Variants in CCDC141 observed in about 807,000 individuals in gnomAD.
The protein encoded by CCDC141 is coiled-coil domain containing 141, also known as coiled-coil domain-containing protein 141.
A neutral mutation model predicts 181.0 loss-of-function variants in CCDC141; 168 were observed. That is an observed-to-expected ratio of 0.93 (90% CI 0.82 to 1.05). The LOEUF (loss-of-function observed/expected upper bound fraction) is 1.05, where lower values mean the gene tolerates loss of function less well. Ranked by LOEUF, CCDC141 falls within the 50% of genes least tolerant of loss-of-function variation. The probability of loss-of-function intolerance (pLI) is 0.00; values close to 1 mark genes in which losing one functional copy is unlikely to be tolerated. For missense variants in CCDC141, 1,902 were observed against 1,788.5 expected, an observed-to-expected ratio of 1.06 and a Z score of -1.14; for synonymous variants, 666 against 642.3, an observed-to-expected ratio of 1.04 and a Z score of -0.56.
intron 6 of CCDC141, among the ~76,000 whole-genome samples, chr2:178,921,301 G>A (rs1688677663): frequency 1.3e-5 from 2 of 152,202 alleles, no homozygotes; most frequent in East Asian, 3.8e-4. Context: ...CTGGGAATGA[G>A]CAAATATTTT....
intron 2 of CCDC141, among the ~76,000 whole-genome samples, chr2:178,990,526 AAG>A (rs1199321130): frequency 3.5e-5 from 5 of 143,040 alleles, no homozygotes; most frequent in East Asian, 4.4e-4. Context: ...GAGAGAAAGA[AAG>A]AGAGAGAGGA....
intron 4 of CCDC141, among the ~76,000 whole-genome samples, chr2:178,971,064 C>G (rs576302239): frequency 6.6e-6 from 1 of 151,992 alleles, no homozygotes; most frequent in East Asian, 1.9e-4. Context: ...AAAAATTAGC[C>G]GGGCCTGGTG....
intron 6 of CCDC141, among the ~76,000 whole-genome samples, chr2:178,940,749 C>T (rs1470703883): frequency 6.6e-6 from 1 of 152,154 alleles, no homozygotes; most frequent in Non-Finnish European, 1.5e-5. Flanking sequence ...TCATATCAGG[C>T]ACTGTCCAAT....
At chr2:178,996,404 T>C (rs1692290005) in intron 2 of CCDC141, among the ~76,000 whole-genome samples, 1 of 152,096 alleles carries the variant, frequency 6.6e-6, no homozygotes, top group South Asian at 2.1e-4. Context: ...ATGGCAGTGA[T>C]AGAGGGAAGA....
intron 2 of CCDC141, among the ~76,000 whole-genome samples, chr2:179,023,745 A>G (rs1208840069): frequency 6.6e-6 from 1 of 152,240 alleles, no homozygotes; most frequent in Non-Finnish European, 1.5e-5. Context: ...GCAAACTAAC[A>G]TTAAAAGCAA....
At chr2:179,018,007 G>A (rs1434215084) in intron 2 of CCDC141, among the ~76,000 whole-genome samples, 1 of 152,122 alleles carries the variant, frequency 6.6e-6, no homozygotes, top group East Asian at 1.9e-4. Flanking sequence ...ACATCATAAA[G>A]CTGGTTATTT....
At position 179,049,881 on chromosome 2, in the gene CCDC141, C is replaced by A; in HGVS notation, c.61G>T (p.Val21Leu). The part of the protein sequence containing the change: ...LSTTTVSSVA[V>L]QAGDSKIVIA... ...ACGATTTTGGAGTCCCCAGCCTGCA[C>A]AGCAACTGAACTGACTGTCGTCGTA... The change falls in exon 1 of 24, where the codon GTG (valine) becomes TTG (leucine). Residue 21 changes from valine (V) to leucine (L), a missense_variant. Coordinates refer to ENST00000443758, the MANE Select transcript of CCDC141 (RefSeq NM_173648.4). 1.3e-6 allele frequency: 2 copies of A among 1,550,820 alleles called. No homozygotes were observed. Among genetic ancestry groups the A allele is most frequent in the African/African-American group, 1.4e-5 (1 of 73,162 alleles).
At chr2:178,842,987 T>C (rs1208045696) in intron 22 of CCDC141, among the ~76,000 whole-genome samples, 1 of 152,008 alleles carries the variant, frequency 6.6e-6, no homozygotes, top group East Asian at 1.9e-4. Context: ...GTGTTGAGGG[T>C]AGAGGGGGAG....
At chr2:179,015,873 CATATGTATCATATATATCTCAT>C (rs1314096820) in intron 2 of CCDC141, among the ~76,000 whole-genome samples, 4,035 of 118,782 alleles carry the variant, frequency 0.034, 224 homozygotes, top group African/African-American at 0.1. Flanking sequence ...ATATATATCT[CATATGTATCATATATATCTCAT>C]ATATGTATCA....
chr2:179,026,844 T>A (rs970044790), intron 2 of CCDC141, among the ~76,000 whole-genome samples: 4 of 152,104 alleles, frequency 2.6e-5, no homozygotes, highest in African/African-American at 4.8e-5. Flanking sequence ...AGACATAGAG[T>A]CAAAGGAGAT....
At chr2:178,969,664 T>C (rs776056201) in intron 4 of CCDC141, among the ~76,000 whole-genome samples, 8 of 152,076 alleles carry the variant, frequency 5.3e-5, no homozygotes, top group Non-Finnish European at 1.2e-4. Context: ...CCACAGCCAA[T>C]ATCATACTGA....
intron 2 of CCDC141, among the ~76,000 whole-genome samples, chr2:179,013,184 T>C (rs1332540510): frequency 6.6e-6 from 1 of 152,170 alleles, no homozygotes; most frequent in Non-Finnish European, 1.5e-5. Flanking sequence ...CTGCCCCTGT[T>C]TGCTGACGAT....
At chr2:178,824,939 T>A (rs192877005), downstream of CCDC141, among the ~76,000 whole-genome samples, 312 of 152,304 alleles carry the variant, frequency 2.0e-3, 1 homozygote, top group Non-Finnish European at 3.6e-3. Context: ...ATACTTGGCT[T>A]TTGTGGTACA....
intron 2 of CCDC141, among the ~76,000 whole-genome samples, chr2:178,986,994 G>T (rs185793216): frequency 2.0e-5 from 3 of 151,982 alleles, no homozygotes; most frequent in African/African-American, 7.2e-5. Flanking sequence ...AACCAAAAAA[G>T]AGCCCGCATC....
rs1317129402 is a variant in CCDC141 at position 178,945,861 on chromosome 2, A to ACG, written c.781-1211_781-1210insCG. Among the ~76,000 whole-genome samples, 4 of 151,652 alleles carry ACG rather than the reference A, an allele frequency of 2.6e-5. No homozygotes were observed. In the East Asian group the frequency reaches 7.8e-4, roughly 29 times the overall value. On this transcript the variant is annotated intron_variant, in intron 5 of 23. Coordinates refer to ENST00000443758, the MANE Select transcript of CCDC141 (RefSeq NM_173648.4). ...GCACATGACACATGCGTGCACACACACACACACACACACACATCAGAGTTA... is the reference window on the plus strand; with the variant it reads ...GCACATGACACATGCGTGCACACACACGCACACACACACACACATCAGAGTTA...
chr2:179,019,397 G>A (rs2042632645), intron 2 of CCDC141, among the ~76,000 whole-genome samples: 1 of 152,046 alleles, frequency 6.6e-6, no homozygotes, highest in Non-Finnish European at 1.5e-5. Context: ...GCATTCATGT[G>A]AAGACATATC....
intron 2 of CCDC141, among the ~76,000 whole-genome samples, chr2:179,013,957 T>A (rs1376231279): frequency 4.7e-5 from 2 of 42,566 alleles, no homozygotes; most frequent in Non-Finnish European, 7.8e-5. Flanking sequence ...TGAGACTCCA[T>A]CTCAAAAAAA....
chr2:178,852,919 T>G (rs1685221517), intron 20 of CCDC141, among the ~76,000 whole-genome samples: 1 of 152,206 alleles, frequency 6.6e-6, no homozygotes, highest in South Asian at 2.1e-4. Context: ...AAATGGCAAT[T>G]TGAGTTCTCC....
In CCDC141 at chr2:178,978,672, A is replaced by G. The variant is rs1016557316; in HGVS notation, c.229T>C (p.Leu77=). 17 of 1,532,946 alleles carry G rather than the reference A, an allele frequency of 1.1e-5. No individual in the cohort carries two copies. In the East Asian group the frequency reaches 4.3e-4, roughly 38 times the overall value. The allele number at this position is 1,532,946 out of a possible 1,614,324, so 95.0% of individuals were successfully genotyped here. A position where few individuals can be genotyped will look rare whatever the true frequency, so the allele number is the denominator to read the frequency against. The stretch of plus-strand genomic sequence containing the variant: ...AAGAGTTCCCATACCCGATCTTCCA[A>G]AGCCTAAGTACAAAAGAAAAAGGCA... ...HELLLAKLKA[L]EDRVWELLQE... is the part of the protein sequence containing the mutation. Residue 77 remains leucine, a synonymous_variant, in exon 3 of 24, where the codon TTG becomes CTG. Transcript: ENST00000443758.
Sources: allele counts gnomAD v4.1 joint callset (sites outside exome capture counted in the v4.1 genomes callset), GRCh38; gene constraint gnomAD v4.1.1; transcripts MANE v1.5; gene names NCBI Gene and HGNC (gene_info 2026-07-23, HGNC 2026-07-21).